Variants in FAM117B observed in about 807,000 individuals in gnomAD.
FAM117B encodes family with sequence similarity 117 member B.
Under a neutral mutation model 52.8 loss-of-function variants are expected in FAM117B, and 22 were observed. The observed-to-expected ratio is 0.42, with a 90% CI of 0.30 to 0.59. FAM117B has a LOEUF of 0.59. FAM117B is among the 20% of genes least tolerant of loss of function. The pLI, the probability that FAM117B is intolerant of heterozygous loss-of-function variation, is 0.22. For missense variants in FAM117B, 678 were observed against 802.6 expected (o/e 0.84, Z 1.88); for synonymous variants, 309 against 324.1 (o/e 0.95, Z 0.50).
intron 4 of FAM117B, among the ~76,000 whole-genome samples, chr2:202,729,941 T>A (rs1691313406): frequency 6.6e-6 from 1 of 152,132 alleles, no homozygotes; most frequent in African/African-American, 2.4e-5. Context: ...ATAGAACGAA[T>A]TGGGAAGAGA....
intron 4 of FAM117B, among the ~76,000 whole-genome samples, chr2:202,741,169 C>T (rs1691529815): frequency 6.6e-6 from 1 of 152,010 alleles, no homozygotes; most frequent in South Asian, 2.1e-4. Context: ...ATGCCTTAAT[C>T]CCAGCACTTT....
chr2:202,671,563 G>A (rs1454055279), intron 1 of FAM117B, among the ~76,000 whole-genome samples: 6 of 152,198 alleles, frequency 3.9e-5, no homozygotes, highest in Admixed American at 1.3e-4. Flanking sequence ...ATTGTCTGGA[G>A]AACTGTTCAT....
In FAM117B at chr2:202,635,125, C is replaced by T; in HGVS notation, c.-63C>T. ...CTGCCCTCCGGCCTCGAGAATCCTC[C>T]CCCTGCAGCCCAACAACAACAAAAC... On this transcript the variant is annotated 5_prime_UTR_variant, in exon 1 of 8. Coordinates refer to ENST00000392238, the MANE Select transcript of FAM117B (RefSeq NM_173511.4). The T allele has an allele frequency of 2.4e-6, 3 of 1,249,752 alleles. No individual in the cohort carries two copies. The highest frequency in any genetic ancestry group is 3.0e-6 in the Non-Finnish European group (3 of 996,484). The allele number at this position is 1,249,752 out of a possible 1,614,324, so 77.4% of individuals were successfully genotyped here.
intron 4 of FAM117B, among the ~76,000 whole-genome samples, chr2:202,728,411 A>G (rs1461054280): frequency 6.6e-6 from 1 of 152,252 alleles, no homozygotes; most frequent in East Asian, 1.9e-4. Context: ...TTCTGGAGAA[A>G]TAGAAATTTT....
intron 4 of FAM117B, among the ~76,000 whole-genome samples, chr2:202,731,927 G>T (rs1473582634): frequency 2.0e-5 from 3 of 151,668 alleles, no homozygotes; most frequent in Non-Finnish European, 4.4e-5. Flanking sequence ...TAGAGACGGG[G>T]TTTTACCATG....
chr2:202,708,964 T>C (rs1175257827), intron 2 of FAM117B, among the ~76,000 whole-genome samples: 1 of 152,208 alleles, frequency 6.6e-6, no homozygotes, highest in Non-Finnish European at 1.5e-5. Flanking sequence ...TACTGTTTAG[T>C]ATTCCCAACA....
intron 4 of FAM117B, among the ~76,000 whole-genome samples, chr2:202,740,805 T>C (rs1197438937): frequency 1.3e-5 from 2 of 152,200 alleles, no homozygotes; most frequent in Non-Finnish European, 2.9e-5. Flanking sequence ...CATTTGACTG[T>C]ACCTGCTTTA....
chr2:202,638,429 T>C (rs1689719135), intron 1 of FAM117B, among the ~76,000 whole-genome samples: 1 of 152,146 alleles, frequency 6.6e-6, no homozygotes, highest in African/African-American at 2.4e-5. Flanking sequence ...AGGTACTCTT[T>C]TTCTCTGATC....
rs959180683 is a variant in FAM117B, at chr2:202,699,586, C to T, written c.753+3554C>T. ...TTACATGGTGGGCTCTCATCTTTGG[C>T]AAGTGAATTTAGCAGTAACACAATT... On this transcript the variant is annotated intron_variant, in intron 2 of 7. Coordinates refer to ENST00000392238, the MANE Select transcript of FAM117B (RefSeq NM_173511.4). Among the ~76,000 whole-genome samples, 12 of 151,620 alleles carry T rather than the reference C, an allele frequency of 7.9e-5. 1 individual carries two copies. The highest frequency in any genetic ancestry group is 2.7e-4 in the African/African-American group (11 of 41,242).
chr2:202,746,050 A>C (rs1036461673), intron 4 of FAM117B, among the ~76,000 whole-genome samples: 1 of 152,188 alleles, frequency 6.6e-6, no homozygotes, highest in Non-Finnish European at 1.5e-5. Context: ...TCTATATAGA[A>C]AGTCAAGAAA....
chr2:202,692,918 A>T (rs923622932), intron 1 of FAM117B, among the ~76,000 whole-genome samples: 1 of 152,196 alleles, frequency 6.6e-6, no homozygotes, highest in Non-Finnish European at 1.5e-5. Flanking sequence ...TATGGACATT[A>T]AAGTTGGAAT....
intron 2 of FAM117B, 74 bp from the exon 3 acceptor site, chr2:202,724,843 T>TAA: frequency 9.2e-7 from 1 of 1,089,710 alleles, no homozygotes; most frequent in Non-Finnish European, 1.3e-6. Flanking sequence ...ATATGTTTTA[T>TAA]AATAGAAAAA....
At chr2:202,644,054 T>TG (rs1559092750) in intron 1 of FAM117B, among the ~76,000 whole-genome samples, 9 of 125,158 alleles carry the variant, frequency 7.2e-5, no homozygotes, top group Admixed American at 5.1e-4. Flanking sequence ...TTAGGAGCTG[T>TG]TTTTTTTTTG....
At chr2:202,688,209 A>C (rs983630526) in intron 1 of FAM117B, among the ~76,000 whole-genome samples, 5 of 152,154 alleles carry the variant, frequency 3.3e-5, no homozygotes, top group Non-Finnish European at 7.3e-5. Flanking sequence ...TAGATGTAGA[A>C]TCACTGAATC....
At chr2:202,758,246 A>G (rs1241928196) in intron 6 of FAM117B, among the ~76,000 whole-genome samples, 2 of 152,194 alleles carry the variant, frequency 1.3e-5, no homozygotes, top group East Asian at 1.9e-4. Flanking sequence ...AAACTGTGAC[A>G]AGCGCAGAAG....
chr2:202,712,166 A>C (rs2162494), intron 2 of FAM117B, among the ~76,000 whole-genome samples: 3,758 of 152,120 alleles, frequency 0.025, 150 homozygotes, highest in African/African-American at 0.085. Context: ...CTATTCTTTT[A>C]ATCCATGAAC....
chr2:202,724,088 C>A (rs1691197495), intron 2 of FAM117B, among the ~76,000 whole-genome samples: 1 of 104,940 alleles, frequency 9.5e-6, no homozygotes, highest in Admixed American at 1.3e-4. Flanking sequence ...GACGGAGCCT[C>A]CCTCTGTCAT....
At chr2:202,748,719 T>G (rs1469713520) in intron 4 of FAM117B, among the ~76,000 whole-genome samples, 3 of 152,238 alleles carry the variant, frequency 2.0e-5, no homozygotes, top group African/African-American at 7.2e-5. Flanking sequence ...AAAAAGTTCA[T>G]CTTTACTAGT....
At chr2:202,748,341 T>G (rs1277668023) in intron 4 of FAM117B, among the ~76,000 whole-genome samples, 1 of 151,904 alleles carries the variant, frequency 6.6e-6, no homozygotes, top group Non-Finnish European at 1.5e-5. Context: ...GAAGAAAACA[T>G]AGGGGAAATG....
Sources: allele counts gnomAD v4.1 joint callset (sites outside exome capture counted in the v4.1 genomes callset), GRCh38; gene constraint gnomAD v4.1.1; transcripts MANE v1.5; gene names NCBI Gene and HGNC (gene_info 2026-07-23, HGNC 2026-07-21).